DHRS12: variants seen among roughly 807,000 people sequenced by gnomAD.
The protein encoded by DHRS12 is dehydrogenase/reductase 12.
In DHRS12, 29 loss-of-function variants were observed where a neutral mutation model predicts 32.1. The ratio of observed to expected loss-of-function variants is 0.90; its 90% CI spans 0.67 to 1.23. The LOEUF is 1.23. Ranked by LOEUF, DHRS12 falls within the 50% of genes most tolerant of loss-of-function variation. The pLI is 0.00. For synonymous variants in DHRS12, 150 were observed against 135.9 expected, an observed-to-expected ratio of 1.10 and a Z score of -0.72; for missense variants, 330 against 337.2, an observed-to-expected ratio of 0.98 and a Z score of 0.17.
At chr13:51,769,752 T>A (rs947582718) in intron 7 of DHRS12, among the ~76,000 whole-genome samples, 1 of 152,194 alleles carries the variant, frequency 6.6e-6, no homozygotes, top group Non-Finnish European at 1.5e-5. Flanking sequence ...TTTTCCTCTT[T>A]TAGGGAGGAG....
intron 5 of DHRS12, 64 bp downstream of exon 5, chr13:51,776,996 C>T (rs1356618949): frequency 3.1e-6 from 5 of 1,594,558 alleles, no homozygotes; most frequent in Non-Finnish European, 4.3e-6. Flanking sequence ...CAAACCTAGG[C>T]CCACTGACTT....
chr13:51,768,056 G>A lies in DHRS12; in HGVS notation c.*131C>T. The A allele has an allele frequency of 1.4e-6, 2 of 1,457,182 alleles. No individual in the cohort carries two copies. Among genetic ancestry groups the A allele is most frequent in the Non-Finnish European group, 1.8e-6 (2 of 1,109,208 alleles). 90.3% of individuals were successfully genotyped at this position (1,457,182 alleles called of 1,614,324 possible). A position where few individuals can be genotyped will look rare whatever the true frequency, so the allele number is the denominator to read the frequency against. The stretch of plus-strand genomic sequence containing the variant: ...TTTGAAATAAAAGTTCCCATCCCTT[G>A]TAGGCCTCGCTGTGAGGCACAACGT... On this transcript the variant is annotated 3_prime_UTR_variant, in exon 9 of 9. Coordinates refer to ENST00000444610, the MANE Select transcript of DHRS12 (RefSeq NM_001377533.1).
chr13:51,801,077 C>A (rs1358439719), intron 1 of DHRS12, among the ~76,000 whole-genome samples: 1 of 152,214 alleles, frequency 6.6e-6, no homozygotes, highest in East Asian at 1.9e-4. Context: ...ATCTCCTCAT[C>A]TGCAGAAAGG....
At chr13:51,797,128 G>T (rs1407811950) in intron 2 of DHRS12, among the ~76,000 whole-genome samples, 4 of 152,048 alleles carry the variant, frequency 2.6e-5, no homozygotes, top group African/African-American at 9.7e-5. Flanking sequence ...GGTCCTTTTG[G>T]GGGTCAGGGT....
intron 1 of DHRS12, among the ~76,000 whole-genome samples, chr13:51,803,097 T>G (rs1289568165): frequency 6.6e-6 from 1 of 152,190 alleles, no homozygotes; most frequent in Admixed American, 6.5e-5. Flanking sequence ...TCCCCACCAT[T>G]CTCTGCAGCA....
intron 4 of DHRS12, among the ~76,000 whole-genome samples, chr13:51,780,863 T>C (rs1366096067): frequency 6.6e-6 from 1 of 152,252 alleles, no homozygotes; most frequent in East Asian, 1.9e-4. Context: ...TTATTTTTAA[T>C]GAGAAAAATA....
intron 2 of DHRS12, among the ~76,000 whole-genome samples, chr13:51,798,636 A>G (rs1290808916): frequency 2.0e-5 from 3 of 152,218 alleles, no homozygotes; most frequent in Non-Finnish European, 4.4e-5. Context: ...GCTAAGATGC[A>G]ATTAATCCTC....
In DHRS12 at chr13:51,776,123, CTACAG is replaced by C. The variant is rs939098931; in HGVS notation, c.363+932_363+936del. The C allele has an allele frequency of 5.2e-5, 6 of 114,824 alleles. 2 individuals carry two copies. The highest frequency in any genetic ancestry group is 1.8e-4 in the African/African-American group (5 of 28,342). 7.1% of individuals were successfully genotyped at this position (114,824 alleles called of 1,614,324 possible). On this transcript the variant is annotated intron_variant, in intron 5 of 8. Transcript: ENST00000444610. Reference sequence around the variant, plus strand: ...TCTACAGTATTCTCCTACATGTATTCTACAGTATTCTCCTACATGTATTCTCCTAC... The same window carrying C: ...TCTACAGTATTCTCCTACATGTATTCTATTCTCCTACATGTATTCTCCTAC...
At chr13:51,756,159 A>G in the DHRS12 span, among the ~76,000 whole-genome samples, 220 of 152,314 alleles carry the variant, frequency 1.4e-3, 2 homozygotes, top group Middle Eastern at 6.8e-3. Flanking sequence ...TTGAATAAAC[A>G]GAGCCCCAGA....
chr13:51,794,547 G>A (rs563524700), intron 2 of DHRS12, among the ~76,000 whole-genome samples: 25 of 152,258 alleles, frequency 1.6e-4, no homozygotes, highest in African/African-American at 5.1e-4. Flanking sequence ...TGATGTTGGT[G>A]GAGTCAATCA....
intron 2 of DHRS12, chr13:51,797,990 A>G: frequency 1.5e-6 from 2 of 1,338,678 alleles, no homozygotes; most frequent in South Asian, 1.3e-5. Context: ...ATGAAGACAT[A>G]TGGGCTCACA....
rs747157609 is a variant in DHRS12 at position 51,777,101 on chromosome 13, C to A, written c.322G>T (p.Gly108Cys). The part of the protein sequence containing the change: ...NTLGVYILTT[G>C]LIPVLEKEHD... ...TCTTTCTCCAGCACAGGGATCAGGC[C>A]GGTCGTGAGAATGTACACACCTGAG... Residue 108 changes from glycine (G) to cysteine (C), a missense_variant, in exon 5 of 9, where the codon GGC (glycine) becomes TGC (cysteine). Coordinates refer to ENST00000444610, the MANE Select transcript of DHRS12 (RefSeq NM_001377533.1). The A allele has an allele frequency of 6.2e-7, 1 of 1,614,078 alleles. No homozygotes were observed. The highest frequency in any genetic ancestry group is 1.1e-5 in the South Asian group (1 of 91,088).
chr13:51,779,728 T>G (rs544002752), intron 4 of DHRS12, among the ~76,000 whole-genome samples: 1 of 152,344 alleles, frequency 6.6e-6, no homozygotes, highest in African/African-American at 2.4e-5. Flanking sequence ...TTGAGTTCTG[T>G]GAGGGCTGCC....
chr13:51,769,023 C>T (rs1467445749), intron 8 of DHRS12, 133 bp downstream of exon 8: 6 of 1,447,576 alleles, frequency 4.1e-6, no homozygotes, highest in African/African-American at 1.5e-5. Flanking sequence ...GCAATCATCT[C>T]GCCAAAGAAG....
chr13:51,756,083 C>G, the DHRS12 span, among the ~76,000 whole-genome samples: 1 of 152,128 alleles, frequency 6.6e-6, no homozygotes, highest in Non-Finnish European at 1.5e-5. Context: ...TTGGAAAGGA[C>G]CAAGAGTAGG....
intron 2 of DHRS12, among the ~76,000 whole-genome samples, chr13:51,791,492 A>G (rs1955268097): frequency 6.6e-6 from 1 of 151,940 alleles, no homozygotes; most frequent in Non-Finnish European, 1.5e-5. Context: ...TATATATTTT[A>G]TATATACATA....
At chr13:51,768,789 C>T in intron 8 of DHRS12, 2 of 1,217,964 alleles carry the variant, frequency 1.6e-6, no homozygotes, top group Non-Finnish European at 2.1e-6. Flanking sequence ...GTCCCTTACA[C>T]CCTTTGCACT....
intron 2 of DHRS12, among the ~76,000 whole-genome samples, chr13:51,794,225 A>C (rs1955408934): frequency 6.6e-6 from 1 of 152,238 alleles, no homozygotes; most frequent in Non-Finnish European, 1.5e-5. Flanking sequence ...ATGGTTACTG[A>C]AATTGAACAA....
intron 2 of DHRS12, among the ~76,000 whole-genome samples, chr13:51,793,904 A>G (rs1955392809): frequency 6.6e-6 from 1 of 152,262 alleles, no homozygotes; most frequent in Non-Finnish European, 1.5e-5. Context: ...AAGTTATCTG[A>G]GCTTCCTGGA....
Sources: gnomAD v4.1 joint callset for allele counts (sites outside exome capture counted in the v4.1 genomes callset) on GRCh38, gnomAD v4.1.1 for gene constraint, MANE v1.5 for transcripts, NCBI Gene and HGNC (gene_info 2026-07-23, HGNC 2026-07-21) for gene names.